ASTE1: variants seen among roughly 807,000 people sequenced by gnomAD.
ASTE1 encodes asteroid structure-specific endonuclease 1, also known as single-strand DNA endonuclease ASTE1.
ASTE1 carries 49 observed loss-of-function variants against 45.8 expected under a neutral mutation model. That is an observed-to-expected ratio of 1.07 (90% CI 0.85 to 1.36). The LOEUF (loss-of-function observed/expected upper bound fraction) is 1.36, where lower values mean the gene tolerates loss of function less well. Among genes scored for constraint, ASTE1 ranks in the 40% most tolerant of loss-of-function variants. The pLI, the probability that ASTE1 is intolerant of heterozygous loss-of-function variation, is 0.00. For missense variants in ASTE1, 709 were observed against 804.0 expected (o/e 0.88, Z 1.43); for synonymous variants, 296 against 303.9 (o/e 0.97, Z 0.27).
rs1431073394 is a variant in ASTE1, at chr3:131,014,201, C to T, written c.1896G>A (p.Arg632=). ...PKGRSNSKKK[R]QKKQNTSCSK... ...AACAGCTGGTATTCTGTTTCTTCTG[C>T]CTTTTTTTTTTTGAATTTGATCTAC... Residue 632 remains arginine (R), a synonymous_variant, in exon 6 of 6, where the codon AGG becomes AGA. Transcript: ENST00000264992. 8 of 1,612,886 alleles carry T rather than the reference C, an allele frequency of 5.0e-6. No individual in the cohort carries two copies. Among genetic ancestry groups the T allele is most frequent in the Non-Finnish European group, 3.4e-6 (4 of 1,179,566 alleles).
chr3:131,014,948 C>G (rs902741102), intron 5 of ASTE1, among the ~76,000 whole-genome samples: 5 of 152,198 alleles, frequency 3.3e-5, no homozygotes, highest in Non-Finnish European at 4.4e-5. Flanking sequence ...GATTCAAGAA[C>G]AATCCTGCTG....
rs762566062 is a variant in ASTE1, at chr3:131,018,647, T to C, written c.1372A>G (p.Ile458Val). Residue 458 changes from isoleucine (I) to valine (V), a missense_variant, in exon 4 of 6, where the codon ATC (isoleucine) becomes GTC (valine). Physicochemically the swap from Ile to Val is conservative, Grantham distance 29. Transcript: ENST00000264992. Reference protein sequence around the residue: ...LKVKQTILEPIPTSLKLPIAV... With the variant: ...LKVKQTILEPVPTSLKLPIAV... ...ATGGGCAACTTCAGTGAAGTAGGGA[T>C]TGGCTCCAGAATGGTCTGTTTCACC... The C allele has an allele frequency of 1.9e-6, 3 of 1,614,066 alleles. No homozygotes were observed. The highest frequency in any genetic ancestry group is 2.2e-5 in the East Asian group (1 of 44,870).
intron 1 of ASTE1, among the ~76,000 whole-genome samples, chr3:131,025,942 C>G (rs2063857188): frequency 6.6e-6 from 1 of 152,178 alleles, no homozygotes; most frequent in East Asian, 1.9e-4. Flanking sequence ...AGGAACCCCT[C>G]TATCCAGTTA....
rs775532930 is a variant in ASTE1 at position 131,024,571 on chromosome 3, T to A, written c.736A>T (p.Thr246Ser). 7 of 1,613,774 alleles carry A rather than the reference T, an allele frequency of 4.3e-6. No homozygotes were observed. The highest frequency in any genetic ancestry group is 5.9e-6 in the Non-Finnish European group (7 of 1,179,876). ...LSKARLPLGA[T>S]SSKGRRHHRI... ...TGGTGTCTCCTCCCTTTAGAACTGGTAGCTCCAAGAGGAAGACGCGCTTTA... is the reference window on the plus strand; with the variant it reads ...TGGTGTCTCCTCCCTTTAGAACTGGAAGCTCCAAGAGGAAGACGCGCTTTA... The change falls in exon 3 of 6, where the codon ACC becomes TCC. Residue 246 changes from threonine to serine, a missense_variant. Transcript: ENST00000264992.
At position 131,016,204 on chromosome 3, in the gene ASTE1, T is replaced by A; in HGVS notation, c.1649A>T (p.Gln550Leu). ...CAGCTGGTTGAGATACATCCCCATC[T>A]GGAGACAGGACTGCCACTGACAGAA... ...HIFCQWQSCL[Q>L]MGMYLNQLLS... Residue 550 changes from glutamine to leucine, a missense_variant, in exon 5 of 6, where the codon CAG (glutamine) becomes CTG (leucine). Coordinates refer to ENST00000264992, the MANE Select transcript of ASTE1 (RefSeq NM_014065.4). The A allele has an allele frequency of 6.2e-7, 1 of 1,614,222 alleles. No individual in the cohort carries two copies.
Position 131,018,463 on chromosome 3 carries a change from A to G in ASTE1, c.1513+43T>C, listed in dbSNP as rs769025040. ...TGTAAACTCGAGTAAACAGTTTGCA[A>G]GCAACATGCCACAATATACTCCTGT... is the stretch of plus-strand genomic sequence containing the variant. On this transcript the variant is annotated intron_variant, in intron 4 of 5. Coordinates refer to ENST00000264992, the MANE Select transcript of ASTE1 (RefSeq NM_014065.4). 5.1e-6 allele frequency: 8 copies of G among 1,572,256 alleles called. No individual in the cohort carries two copies. The African/African-American group carries it at 8.1e-5, about 16-fold the overall frequency.
intron 3 of ASTE1, among the ~76,000 whole-genome samples, chr3:131,018,930 A>C (rs892005837): frequency 1.3e-5 from 2 of 151,832 alleles, no homozygotes; most frequent in African/African-American, 4.8e-5. Context: ...TGTACTGCCT[A>C]CTCCTACACC....
rs889221066 is a variant in ASTE1, at chr3:131,024,177, T to C, written c.1130A>G (p.Tyr377Cys). 4 of 1,614,070 alleles carry C rather than the reference T, an allele frequency of 2.5e-6. No individual in the cohort carries two copies. Among genetic ancestry groups the C allele is most frequent in the Non-Finnish European group, 3.4e-6 (4 of 1,180,014 alleles). ...TGGTGAGGCATTTAAAAGAAGCCCA[T>C]AGATGATTTGCCTGATGGGCTGAGA... ...RISQPIRQII[Y>C]GLLLNASPHL... is the part of the protein sequence containing the mutation. The change falls in exon 3 of 6, where the codon TAT (tyrosine) becomes TGT (cysteine). Residue 377 changes from tyrosine to cysteine, a missense_variant. By Grantham distance (194) the Tyr-to-Cys change is radical. Coordinates refer to ENST00000264992, the MANE Select transcript of ASTE1 (RefSeq NM_014065.4).
intron 3 of ASTE1, among the ~76,000 whole-genome samples, chr3:131,021,962 A>G (rs1218864544): frequency 1.3e-5 from 2 of 152,242 alleles, no homozygotes; most frequent in Non-Finnish European, 2.9e-5. Flanking sequence ...TAAAGTTTTA[A>G]TAAATCCCTT....
At chr3:131,026,180 A>G (rs1227855143) in intron 1 of ASTE1, 1 of 152,172 alleles carries the variant, frequency 6.6e-6, no homozygotes, top group East Asian at 1.9e-4. Context: ...GATTGCATTA[A>G]AACTTACCTT....
Position 131,024,027 on chromosome 3 carries a change from G to C in ASTE1, c.1280C>G (p.Ser427Cys). 6.2e-7 allele frequency: 1 copy of C among 1,605,780 alleles called. No homozygotes were observed. Among genetic ancestry groups the C allele is most frequent in the Non-Finnish European group, 8.5e-7 (1 of 1,174,338 alleles). ...TACCTCAGTCAATCTGCTTAAGTCA[G>C]AATGATCCTTGGCCAGTTCTACTGC... Reference protein sequence around the residue: ...IDAVELAKDHSDLSRLTELSL... With the variant: ...IDAVELAKDHCDLSRLTELSL... The change falls in exon 3 of 6, where the codon TCT becomes TGT. Residue 427 changes from serine to cysteine, a missense_variant. Coordinates refer to ENST00000264992, the MANE Select transcript of ASTE1 (RefSeq NM_014065.4).
intron 4 of ASTE1, chr3:131,016,947 A>G (rs2063652638): frequency 1.6e-6 from 2 of 1,260,118 alleles, no homozygotes; most frequent in East Asian, 5.6e-5. Context: ...GGTGCACAAA[A>G]TAACATCTGG....
chr3:131,022,445 C>T (rs1187125033), intron 3 of ASTE1, among the ~76,000 whole-genome samples: 1 of 152,034 alleles, frequency 6.6e-6, no homozygotes, highest in African/African-American at 2.4e-5. Flanking sequence ...AATCCTCCAA[C>T]CTCAGCCTCT....
At chr3:131,020,072 A>G (rs2063722487) in intron 3 of ASTE1, among the ~76,000 whole-genome samples, 1 of 152,184 alleles carries the variant, frequency 6.6e-6, no homozygotes, top group Non-Finnish European at 1.5e-5. Flanking sequence ...ACTGAATTAT[A>G]GAGCCAAGTT....
At chr3:131,018,740 T>G in intron 3 of ASTE1, 24 bp from the exon 4 acceptor site, 1 of 1,606,756 alleles carries the variant, frequency 6.2e-7, no homozygotes, top group Non-Finnish European at 8.5e-7. Flanking sequence ...CCAAGTATCC[T>G]GCAAGTTACT....
At position 131,018,508 on chromosome 3, in the gene ASTE1, G is replaced by C. The variant is rs1178732796; in HGVS notation, c.1511C>G (p.Pro504Arg). 6.2e-7 allele frequency: 1 copy of C among 1,613,352 alleles called. No individual in the cohort carries two copies. Among genetic ancestry groups the C allele is most frequent in the Admixed American group, 1.7e-5 (1 of 59,970 alleles). The change falls in exon 4 of 6, where the codon CCT (proline) becomes CGT (arginine). Residue 504 changes from proline to arginine, a missense_variant and splice_region_variant. Pro to Arg is a moderately radical substitution (Grantham distance 103, BLOSUM62 -2). Coordinates refer to ENST00000264992, the MANE Select transcript of ASTE1 (RefSeq NM_014065.4). ...TCCTGTAATTTCCAGTTACCTACCAGGGCTGTTGATTATGGCAATCAAGGG... is the reference window on the plus strand; with the variant it reads ...TCCTGTAATTTCCAGTTACCTACCACGGCTGTTGATTATGGCAATCAAGGG... The part of the protein sequence containing the change: ...VGPLIAIINS[P>R]GKEELQEDGA...
intron 3 of ASTE1, among the ~76,000 whole-genome samples, chr3:131,020,161 G>A (rs772126899): frequency 1.3e-5 from 2 of 152,140 alleles, no homozygotes; most frequent in Non-Finnish European, 2.9e-5. Flanking sequence ...GGCTTTGGTC[G>A]AAAGGTTTCT....
At chr3:131,017,565 G>A (rs996044794) in intron 4 of ASTE1, among the ~76,000 whole-genome samples, 2 of 152,172 alleles carry the variant, frequency 1.3e-5, no homozygotes, top group African/African-American at 4.8e-5. Flanking sequence ...TACAGTGTTA[G>A]AGCATTCATA....
chr3:131,015,287 TC>T lies in ASTE1; in HGVS notation c.1709+856del, dbSNP rs544584514. ...ACAGCAAATAAAATAGACAAGCCCC[TC>T]CCCCCACAGAGTTTACATCTGAGTG... On this transcript the variant is annotated intron_variant, in intron 5 of 5. Transcript: ENST00000264992. 325 of 689,982 alleles carry T rather than the reference TC, an allele frequency of 4.7e-4. 2 individuals are homozygous for T. The South Asian group carries it at 4.9e-3, about 10-fold the overall frequency. The allele number at this position is 689,982 out of a possible 1,614,324, so 42.7% of individuals were successfully genotyped here. A position where few individuals can be genotyped will look rare whatever the true frequency, so the allele number is the denominator to read the frequency against.
Sources: gnomAD v4.1 joint callset for allele counts (sites outside exome capture counted in the v4.1 genomes callset) on GRCh38, gnomAD v4.1.1 for gene constraint, MANE v1.5 for transcripts, NCBI Gene and HGNC (gene_info 2026-07-23, HGNC 2026-07-21) for gene names.